Variants in VAV3 observed in about 807,000 individuals in gnomAD.
VAV3 encodes vav guanine nucleotide exchange factor 3, also known as guanine nucleotide exchange factor VAV3.
In VAV3, 94 loss-of-function variants were observed where a neutral mutation model predicts 131.2. The observed-to-expected ratio is 0.72, with a 90% confidence interval of 0.61 to 0.85. VAV3 has a LOEUF of 0.85. Ranked by LOEUF, VAV3 falls within the 40% of genes least tolerant of loss-of-function variation. VAV3 has a pLI of 0.00. For missense variants in VAV3, 939 were observed against 1,002.7 expected, an observed-to-expected ratio of 0.94 and a Z score of 0.86; for synonymous variants, 349 against 342.0, an observed-to-expected ratio of 1.02 and a Z score of -0.22.
At chr1:107,876,241 T>C (rs1396571476) in intron 1 of VAV3, among the ~76,000 whole-genome samples, 1 of 152,098 alleles carries the variant, frequency 6.6e-6, no homozygotes, top group African/African-American at 2.4e-5. Flanking sequence ...ACACTGCCCA[T>C]GGATTCTGGC....
intron 2 of VAV3, among the ~76,000 whole-genome samples, chr1:107,800,077 T>C (rs1433263134): frequency 6.6e-6 from 1 of 152,238 alleles, no homozygotes; most frequent in Non-Finnish European, 1.5e-5. Context: ...CACATTTTCA[T>C]TACCTATTCA....
intron 19 of VAV3, among the ~76,000 whole-genome samples, chr1:107,679,399 T>A (rs1658446196): frequency 6.6e-6 from 1 of 152,158 alleles, no homozygotes; most frequent in Non-Finnish European, 1.5e-5. Flanking sequence ...TAACTTAAGA[T>A]CAGAAAGAGT....
intron 15 of VAV3, among the ~76,000 whole-genome samples, chr1:107,728,961 T>C (rs1662048631): frequency 6.6e-6 from 1 of 152,214 alleles, no homozygotes; most frequent in Non-Finnish European, 1.5e-5. Flanking sequence ...ATGGTGTTTC[T>C]TCTAGTAAAT....
intron 15 of VAV3, among the ~76,000 whole-genome samples, chr1:107,708,771 T>C (rs1226666144): frequency 6.6e-6 from 1 of 152,114 alleles, no homozygotes; most frequent in Non-Finnish European, 1.5e-5. Context: ...AAAATCACAA[T>C]GAATTTTTCC....
chr1:107,770,802 A>T, intron 5 of VAV3, 74 bp from the exon 6 acceptor site: 1 of 1,241,512 alleles, frequency 8.1e-7, no homozygotes, highest in South Asian at 1.4e-5. Flanking sequence ...AGAGATCAAA[A>T]GCATTGCTGA....
chr1:107,757,593 T>C (rs150139754), intron 10 of VAV3, among the ~76,000 whole-genome samples: 3 of 152,294 alleles, frequency 2.0e-5, no homozygotes, highest in Non-Finnish European at 4.4e-5. Flanking sequence ...CTGACATTGA[T>C]CCCTATTGTT....
intron 25 of VAV3, among the ~76,000 whole-genome samples, chr1:107,592,240 T>A (rs1651025564): frequency 6.6e-6 from 1 of 152,104 alleles, no homozygotes; most frequent in South Asian, 2.1e-4. Flanking sequence ...GCAGAATGTC[T>A]TTTAGTTTGG....
chr1:107,767,304 A>G (rs967495441), intron 7 of VAV3, among the ~76,000 whole-genome samples: 1 of 152,336 alleles, frequency 6.6e-6, no homozygotes. Flanking sequence ...TAGCCAGGAT[A>G]TGAGGCAACT....
At chr1:107,780,330 T>C (rs140377022) in intron 2 of VAV3, among the ~76,000 whole-genome samples, 1 of 152,318 alleles carries the variant, frequency 6.6e-6, no homozygotes, top group African/African-American at 2.4e-5. Flanking sequence ...GAAAAAGTTT[T>C]CTAAATTAAC....
intron 19 of VAV3, among the ~76,000 whole-genome samples, chr1:107,650,205 T>C (rs1344528876): frequency 6.6e-6 from 1 of 152,102 alleles, no homozygotes; most frequent in Admixed American, 6.6e-5. Flanking sequence ...AACTTGATAA[T>C]AGGCAGTCTT....
Position 107,642,709 on chromosome 1 carries a change from G to C in VAV3, c.1824C>G (p.Pro608=). 1 of 1,613,430 alleles carries C rather than the reference G, an allele frequency of 6.2e-7. No homozygotes were observed. The highest frequency in any genetic ancestry group is 8.5e-7 in the Non-Finnish European group (1 of 1,179,646). Residue 608 remains proline, a synonymous_variant, in exon 20 of 27, where the codon CCC becomes CCG. Transcript: ENST00000370056. ...AAGGGGGTCCTTCATGCAGAGCTGG[G>C]GGTGGTGTTCCAGAATAGTTCCTAA... The part of the protein sequence containing the change: ...QVIRNYSGTP[P]PALHEGPPLQ...
At chr1:107,692,714 TAGG>T (rs1295498533) in intron 17 of VAV3, among the ~76,000 whole-genome samples, 1 of 152,086 alleles carries the variant, frequency 6.6e-6, no homozygotes, top group African/African-American at 2.4e-5. Flanking sequence ...TCCTTCCAAT[TAGG>T]AGTGGCTATA....
intron 19 of VAV3, among the ~76,000 whole-genome samples, chr1:107,666,501 C>A (rs1332378855): frequency 6.6e-6 from 1 of 151,786 alleles, no homozygotes; most frequent in East Asian, 1.9e-4. Flanking sequence ...TTTCCAGAAG[C>A]AGCACAGAAG....
intron 18 of VAV3, among the ~76,000 whole-genome samples, chr1:107,687,531 T>C (rs1257332619): frequency 6.6e-6 from 1 of 152,194 alleles, no homozygotes; most frequent in Non-Finnish European, 1.5e-5. Flanking sequence ...TTTTCTATGA[T>C]TTCTAAAAAT....
chr1:107,795,788 A>T (rs573770500), intron 2 of VAV3, among the ~76,000 whole-genome samples: 1 of 152,344 alleles, frequency 6.6e-6, no homozygotes, highest in East Asian at 1.9e-4. Context: ...GAATATATGA[A>T]TCCTTTTGAT....
intron 1 of VAV3, among the ~76,000 whole-genome samples, chr1:107,962,170 G>C (rs1407364573): frequency 1.3e-5 from 2 of 152,156 alleles, no homozygotes; most frequent in African/African-American, 2.4e-5. Context: ...AATCTAAGTA[G>C]ACAGAACGAC....
At chr1:107,919,856 C>T (rs1010608858) in intron 1 of VAV3, among the ~76,000 whole-genome samples, 1 of 151,492 alleles carries the variant, frequency 6.6e-6, no homozygotes, top group African/African-American at 2.4e-5. Context: ...AATCAATGTC[C>T]CAGAAACAGA....
At chr1:107,870,176 G>A (rs1670189090) in intron 2 of VAV3, among the ~76,000 whole-genome samples, 1 of 152,054 alleles carries the variant, frequency 6.6e-6, no homozygotes, top group Non-Finnish European at 1.5e-5. Context: ...TGGATCAAAT[G>A]GTAGTTCTAC....
chr1:107,602,332 A>T, intron 24 of VAV3, 65 bp downstream of exon 24: 1 of 1,196,936 alleles, frequency 8.4e-7, no homozygotes, highest in Non-Finnish European at 1.1e-6. Flanking sequence ...CTATAGAATT[A>T]AAATGACCTT....
Sources: allele counts gnomAD v4.1 joint callset (sites outside exome capture counted in the v4.1 genomes callset), GRCh38; gene constraint gnomAD v4.1.1; transcripts MANE v1.5; gene names NCBI Gene and HGNC (gene_info 2026-07-23, HGNC 2026-07-21).